The following CFAP61 variants were observed in gnomAD, a reference collection of about 807,000 sequenced individuals.
CFAP61 encodes cilia- and flagella-associated protein 61.
A neutral mutation model predicts 135.6 loss-of-function variants in CFAP61; 107 were observed. That is an observed-to-expected ratio of 0.79 (90% confidence interval 0.67 to 0.93). The LOEUF (loss-of-function observed/expected upper bound fraction) is 0.93. Ranked by LOEUF, CFAP61 falls within the 40% of genes least tolerant of loss-of-function variation. The pLI, the probability that CFAP61 is intolerant of heterozygous loss-of-function variation, is 0.00. For synonymous variants in CFAP61, 575 were observed against 578.5 expected, an observed-to-expected ratio of 0.99 and a Z score of 0.09; for missense variants, 1,507 against 1,556.2, an observed-to-expected ratio of 0.97 and a Z score of 0.53.
At chr20:20,169,589 G>A (rs925356582) in intron 13 of CFAP61, 129 bp downstream of exon 13, 12 of 822,170 alleles carry the variant, frequency 1.5e-5, no homozygotes, top group African/African-American at 7.0e-5. Context: ...GAGGTCTTGA[G>A]TAAGTGATTT....
At chr20:20,320,409 TGTAA>T (rs2057411716) in intron 25 of CFAP61, among the ~76,000 whole-genome samples, 1 of 106,890 alleles carries the variant, frequency 9.4e-6, no homozygotes, top group Non-Finnish European at 1.7e-5. Context: ...ATGTAATATA[TGTAA>T]TATATATTAT....
intron 8 of CFAP61, among the ~76,000 whole-genome samples, chr20:20,137,584 C>T (rs1453081392): frequency 1.3e-5 from 2 of 152,182 alleles, no homozygotes; most frequent in Non-Finnish European, 2.9e-5. Flanking sequence ...ACTAAAGGCC[C>T]AAGGGCTCTT....
chr20:20,196,254 C>T (rs556313349), intron 15 of CFAP61, among the ~76,000 whole-genome samples: 55 of 152,258 alleles, frequency 3.6e-4, no homozygotes, highest in South Asian at 2.5e-3. Context: ...GGCAGTGTCA[C>T]GGAGCTGCTG....
At chr20:20,172,381 A>G (rs1485566730) in intron 13 of CFAP61, 2 of 667,462 alleles carry the variant, frequency 3.0e-6, no homozygotes, top group Admixed American at 6.3e-5. Context: ...CAATGGCACA[A>G]TCATGGCTCG....
At chr20:20,064,004 A>G (rs759369152) in intron 2 of CFAP61, among the ~76,000 whole-genome samples, 8 of 150,794 alleles carry the variant, frequency 5.3e-5, no homozygotes, top group Non-Finnish European at 1.2e-4. Context: ...AACTATTGAA[A>G]GACATTAAGG....
chr20:20,308,305 G>A (rs991123619), intron 25 of CFAP61, among the ~76,000 whole-genome samples: 36 of 152,188 alleles, frequency 2.4e-4, no homozygotes, highest in African/African-American at 8.2e-4. Context: ...ACCTGCCGAT[G>A]TAGCTATCAG....
At chr20:20,317,469 G>C (rs2057205027) in intron 25 of CFAP61, among the ~76,000 whole-genome samples, 1 of 152,168 alleles carries the variant, frequency 6.6e-6, no homozygotes, top group Non-Finnish European at 1.5e-5. Context: ...AGATGGCAGA[G>C]CCCCAGCATG....
At chr20:20,072,091 C>CTTTTTTTTTTTTTT (rs71198039) in intron 3 of CFAP61, among the ~76,000 whole-genome samples, 2 of 57,606 alleles carry the variant, frequency 3.5e-5, no homozygotes, top group African/African-American at 5.7e-5. Context: ...ATCTAGCAAT[C>CTTTTTTTTTTTTTT]TTTTTTTTTT....
intron 2 of CFAP61, chr20:20,069,958 T>A (rs542216652): frequency 1.4e-5 from 4 of 277,034 alleles, no homozygotes; most frequent in Non-Finnish European, 2.9e-5. Flanking sequence ...TTCCTCCAAC[T>A]TAAGATGCCA....
intron 21 of CFAP61, among the ~76,000 whole-genome samples, chr20:20,271,821 C>T (rs1167603059): frequency 2.6e-5 from 4 of 152,116 alleles, no homozygotes; most frequent in Admixed American, 6.6e-5. Context: ...CCTGTTAAAT[C>T]GAGAGCAAAA....
chr20:20,078,519 G>A (rs900309321), intron 6 of CFAP61, among the ~76,000 whole-genome samples: 2 of 152,138 alleles, frequency 1.3e-5, no homozygotes, highest in Admixed American at 1.3e-4. Context: ...GACAGGAGAA[G>A]GTAGGAAATA....
intron 17 of CFAP61, among the ~76,000 whole-genome samples, chr20:20,222,461 A>T (rs1031157054): frequency 2.6e-5 from 4 of 152,194 alleles, no homozygotes; most frequent in Non-Finnish European, 5.9e-5. Context: ...CGTTACCCTC[A>T]GTGGATACCA....
In CFAP61 at chr20:20,288,598, T is replaced by G; in HGVS notation, c.2797-11T>G. 1.9e-6 allele frequency: 3 copies of G among 1,602,402 alleles called. No homozygotes were observed. The highest frequency in any genetic ancestry group is 2.6e-6 in the Non-Finnish European group (3 of 1,170,036). On this transcript the variant is annotated splice_polypyrimidine_tract_variant and intron_variant, in intron 22 of 26. Transcript: ENST00000245957. The stretch of plus-strand genomic sequence containing the variant: ...GATAACTGAATATTGCTGTAATTGT[T>G]CACTTCGTAGATGTTCTTCAGCTTC...
At chr20:20,335,792 T>G (rs759884123) in intron 25 of CFAP61, among the ~76,000 whole-genome samples, 7 of 152,186 alleles carry the variant, frequency 4.6e-5, no homozygotes, top group Admixed American at 1.3e-4. Flanking sequence ...TCCTAGCTAA[T>G]GTAGGGGATA....
At chr20:20,339,305 G>A (rs1400948697) in intron 25 of CFAP61, among the ~76,000 whole-genome samples, 4 of 152,182 alleles carry the variant, frequency 2.6e-5, no homozygotes, top group Non-Finnish European at 4.4e-5. Flanking sequence ...AGCTCATCAC[G>A]AATGCTGATA....
intron 17 of CFAP61, among the ~76,000 whole-genome samples, chr20:20,201,374 C>G (rs368636522): frequency 6.6e-6 from 1 of 152,232 alleles, no homozygotes; most frequent in Admixed American, 6.5e-5. Context: ...TTTGGATGAT[C>G]TGTGCCCCCA....
chr20:20,210,895 TAGG>T (rs1283495714), intron 17 of CFAP61, among the ~76,000 whole-genome samples: 1 of 152,068 alleles, frequency 6.6e-6, no homozygotes, highest in African/African-American at 2.4e-5. Flanking sequence ...GAGGCTGAAA[TAGG>T]AGGATCACTT....
Position 20,283,153 on chromosome 20 carries a change from A to T in CFAP61, c.2797-5456A>T, listed in dbSNP as rs1200767346. ...TGAGAGAAGGGTATTAAAATCTGTT[A>T]CTATTATTGTGGAAGTCTCTGTTTT... On this transcript the variant is annotated intron_variant, in intron 22 of 26. Transcript: ENST00000245957. 2.6e-5 allele frequency among the ~76,000 whole-genome samples: 4 copies of T among 152,142 alleles called. No homozygotes were observed. The East Asian group carries it at 7.7e-4, about 29-fold the overall frequency.
chr20:20,298,288 C>G lies in CFAP61; in HGVS notation c.3324C>G (p.Phe1108Leu). 2 of 1,614,004 alleles carry G rather than the reference C, an allele frequency of 1.2e-6. No homozygotes were observed. Among genetic ancestry groups the G allele is most frequent in the Non-Finnish European group, 1.7e-6 (2 of 1,179,868 alleles). The part of the protein sequence containing the change: ...ETITCLSREP[F>L]PASNYIRLFG... ...TCACGTGCCTTTCTAGGGAGCCCTT[C>G]CCCGCCTCCAACTACATCCGCTTGT... is the stretch of plus-strand genomic sequence containing the variant. Residue 1108 changes from phenylalanine to leucine, a missense_variant, in exon 25 of 27, where the codon TTC becomes TTG. Phe to Leu is a conservative substitution (Grantham distance 22). Coordinates refer to ENST00000245957, the MANE Select transcript of CFAP61 (RefSeq NM_015585.4).
Sources: gnomAD v4.1 joint callset for allele counts (sites outside exome capture counted in the v4.1 genomes callset) on GRCh38, gnomAD v4.1.1 for gene constraint, MANE v1.5 for transcripts, NCBI Gene and HGNC (gene_info 2026-07-23, HGNC 2026-07-21) for gene names.